The following NT5DC1 variants were observed in gnomAD, a reference collection of about 807,000 sequenced individuals.
NT5DC1 encodes the protein 5'-nucleotidase domain-containing protein 1.
NT5DC1 carries 42 observed loss-of-function variants against 59.4 expected under a neutral mutation model. That is an observed-to-expected ratio of 0.71 (90% CI 0.55 to 0.92). The LOEUF is 0.92. Among genes scored for constraint, NT5DC1 ranks in the 40% least tolerant of loss-of-function variants. The pLI, the probability that NT5DC1 is intolerant of heterozygous loss-of-function variation, is 0.00. For synonymous variants in NT5DC1, 172 were observed against 188.1 expected, an observed-to-expected ratio of 0.91 and a Z score of 0.70; for missense variants, 501 against 537.1, an observed-to-expected ratio of 0.93 and a Z score of 0.66.
At chr6:116,197,565 A>G (rs1432320368) in intron 6 of NT5DC1, among the ~76,000 whole-genome samples, 1 of 152,182 alleles carries the variant, frequency 6.6e-6, no homozygotes, top group Middle Eastern at 3.4e-3. Context: ...TGTAGTGCAG[A>G]TAGAAGACAG....
At chr6:116,159,687 G>T (rs1179893868) in intron 6 of NT5DC1, among the ~76,000 whole-genome samples, 3 of 152,130 alleles carry the variant, frequency 2.0e-5, no homozygotes, top group Non-Finnish European at 4.4e-5. Context: ...TGGGTATATT[G>T]CATAATTGTG....
chr6:116,119,191 G>T (rs1461063338), intron 6 of NT5DC1: 2 of 152,594 alleles, frequency 1.3e-5, no homozygotes, highest in Non-Finnish European at 2.9e-5. Context: ...GAAACCCTCA[G>T]TGTAAATTAT....
At chr6:116,106,635 A>G (rs1249859610) in intron 2 of NT5DC1, among the ~76,000 whole-genome samples, 10 of 152,216 alleles carry the variant, frequency 6.6e-5, no homozygotes. Context: ...GTTAGTAAGA[A>G]CTGTTTCTAA....
rs1780119857 is a variant in NT5DC1, at chr6:116,154,046, T to A, written c.529+36101T>A. Among the ~76,000 whole-genome samples, 6 of 151,194 alleles carry A rather than the reference T, an allele frequency of 4.0e-5. No individual in the cohort carries two copies. The South Asian group carries it at 1.3e-3, about 32-fold the overall frequency. On this transcript the variant is annotated intron_variant, in intron 6 of 11. Transcript: ENST00000319550. ...GAAGATTTCTTTTTTTTTTTTTTTT[T>A]TGAGACAGAGTCTGGTGATGGGCTA... is the stretch of plus-strand genomic sequence containing the variant.
intron 6 of NT5DC1, among the ~76,000 whole-genome samples, chr6:116,194,066 G>A (rs558222876): frequency 1.4e-4 from 21 of 151,784 alleles, no homozygotes; most frequent in Non-Finnish European, 2.2e-4. Context: ...AACAACAAAA[G>A]AATATTTGGT....
At chr6:116,188,705 A>C (rs1227441321) in intron 6 of NT5DC1, among the ~76,000 whole-genome samples, 1 of 111,980 alleles carries the variant, frequency 8.9e-6, no homozygotes, top group Non-Finnish European at 1.8e-5. Context: ...GAAATTTTCT[A>C]CTTTTTTTTT....
intron 6 of NT5DC1, among the ~76,000 whole-genome samples, chr6:116,161,222 G>A (rs1403621662): frequency 6.7e-6 from 1 of 149,366 alleles, no homozygotes; most frequent in Non-Finnish European, 1.5e-5. Flanking sequence ...GGATAGCATT[G>A]GGAGATATAC....
rs917706895 is a variant in NT5DC1 at position 116,150,226 on chromosome 6, G to T, written c.529+32281G>T. ...ATGGCTTTCACATGGAGAGCATGCT[G>T]AGGGAGCCCATGGCCACTGACAGAT... On this transcript the variant is annotated intron_variant, in intron 6 of 11. Coordinates refer to ENST00000319550, the MANE Select transcript of NT5DC1 (RefSeq NM_152729.3). Among the ~76,000 whole-genome samples the T allele has an allele frequency of 2.6e-5, 4 of 152,232 alleles. No individual in the cohort carries two copies. The East Asian group carries it at 7.7e-4, about 29-fold the overall frequency.
chr6:116,121,418 A>G (rs1362257548), intron 6 of NT5DC1: 2 of 1,613,640 alleles, frequency 1.2e-6, no homozygotes, highest in Non-Finnish European at 1.7e-6. Context: ...ATCACCTTTG[A>G]TGCCTGGCTG....
chr6:116,200,698 T>G (rs560443287), intron 6 of NT5DC1, among the ~76,000 whole-genome samples: 1 of 152,118 alleles, frequency 6.6e-6, no homozygotes, highest in Admixed American at 6.6e-5. Context: ...AACTTCTCTC[T>G]CTGGGTGATA....
At chr6:116,158,043 G>T (rs578014134) in intron 6 of NT5DC1, among the ~76,000 whole-genome samples, 1 of 152,226 alleles carries the variant, frequency 6.6e-6, no homozygotes, top group South Asian at 2.1e-4. Flanking sequence ...AAAAGAAAAA[G>T]CATCACATAT....
chr6:116,188,731 A>G (rs1781056925), intron 6 of NT5DC1, among the ~76,000 whole-genome samples: 1 of 151,472 alleles, frequency 6.6e-6, no homozygotes, highest in South Asian at 2.1e-4. Context: ...CCTGATTAGC[A>G]ATTACATGAA....
intron 8 of NT5DC1, among the ~76,000 whole-genome samples, chr6:116,228,500 C>T (rs1228064839): frequency 1.9e-5 from 2 of 103,116 alleles, no homozygotes; most frequent in African/African-American, 9.4e-5. Context: ...AAGAGTGAAA[C>T]TCCGACTCAA....
intron 6 of NT5DC1, among the ~76,000 whole-genome samples, chr6:116,215,174 G>A (rs1272733279): frequency 2.6e-5 from 4 of 152,014 alleles, no homozygotes; most frequent in African/African-American, 7.2e-5. Context: ...TGGATAATAC[G>A]GAGCACATGA....
intron 4 of NT5DC1, among the ~76,000 whole-genome samples, chr6:116,111,478 A>G (rs984402628): frequency 9.2e-5 from 14 of 152,354 alleles, no homozygotes; most frequent in Middle Eastern, 3.4e-3. Context: ...ATGATTTTTC[A>G]GAAATGATTT....
intron 11 of NT5DC1, among the ~76,000 whole-genome samples, chr6:116,239,990 GAACTT>G (rs1771657951): frequency 6.6e-6 from 1 of 152,088 alleles, no homozygotes; most frequent in African/African-American, 2.4e-5. Flanking sequence ...ATGAAATTAA[GAACTT>G]AACAGATGGA....
chr6:116,130,197 A>G (rs1343134925), intron 6 of NT5DC1, among the ~76,000 whole-genome samples: 1 of 152,198 alleles, frequency 6.6e-6, no homozygotes, highest in African/African-American at 2.4e-5. Flanking sequence ...TACAGTGTGT[A>G]TAGAAAAAGC....
chr6:116,232,275 T>C (rs1013680479), intron 8 of NT5DC1, among the ~76,000 whole-genome samples: 3 of 152,160 alleles, frequency 2.0e-5, no homozygotes, highest in African/African-American at 7.2e-5. Flanking sequence ...ACTTATGATT[T>C]GGGGAGAAAC....
rs563017762 is a variant in NT5DC1, at chr6:116,182,037, C to T, written c.530-39017C>T. On this transcript the variant is annotated intron_variant, in intron 6 of 11. Coordinates refer to ENST00000319550, the MANE Select transcript of NT5DC1 (RefSeq NM_152729.3). Reference sequence around the variant, plus strand: ...CCTCACCCGCTCCCACCCTTTCCTCCGCGTCCCCAAAGTCCAGTGTATTAT... The same window carrying T: ...CCTCACCCGCTCCCACCCTTTCCTCTGCGTCCCCAAAGTCCAGTGTATTAT... Among the ~76,000 whole-genome samples the T allele has an allele frequency of 2.3e-4, 35 of 152,050 alleles. No individual in the cohort carries two copies. In the South Asian group the frequency reaches 6.9e-3, roughly 30 times the overall value.
Sources: allele counts gnomAD v4.1 joint callset (sites outside exome capture counted in the v4.1 genomes callset), GRCh38; gene constraint gnomAD v4.1.1; transcripts MANE v1.5; gene names NCBI Gene and HGNC (gene_info 2026-07-23, HGNC 2026-07-21).